Variants in CTNNA3 observed in about 807,000 individuals in gnomAD.
The protein encoded by CTNNA3 is catenin alpha-3.
Under a neutral mutation model 95.7 loss-of-function variants are expected in CTNNA3, and 76 were observed. The ratio of observed to expected loss-of-function variants is 0.79; its 90% CI spans 0.66 to 0.96. The LOEUF (loss-of-function observed/expected upper bound fraction) is 0.96. Among genes scored for constraint, CTNNA3 ranks in the 40% least tolerant of loss-of-function variants. CTNNA3 has a pLI of 0.00. For missense variants in CTNNA3, 1,191 were observed against 1,089.8 expected (o/e 1.09, Z -1.31); for synonymous variants, 431 against 374.4 (o/e 1.15, Z -1.74).
At chr10:67,189,013 A>T (rs1862995239) in intron 6 of CTNNA3, among the ~76,000 whole-genome samples, 1 of 152,164 alleles carries the variant, frequency 6.6e-6, no homozygotes, top group Middle Eastern at 3.4e-3. Flanking sequence ...GCTACTCGGG[A>T]GACTGAGGTG....
intron 5 of CTNNA3, among the ~76,000 whole-genome samples, chr10:67,516,878 C>T (rs1839834308): frequency 6.6e-6 from 1 of 152,192 alleles, no homozygotes; most frequent in Admixed American, 6.5e-5. Flanking sequence ...GTCTGGATTA[C>T]TTTGCTTAGC....
At chr10:67,654,546 C>T (rs959464245) in intron 1 of CTNNA3, among the ~76,000 whole-genome samples, 6 of 150,488 alleles carry the variant, frequency 4.0e-5, no homozygotes, top group South Asian at 2.1e-4. Context: ...GTGCCAGTGG[C>T]GTGATCACAG....
chr10:67,086,441 G>A (rs1288680096), intron 7 of CTNNA3, among the ~76,000 whole-genome samples: 4 of 152,006 alleles, frequency 2.6e-5, no homozygotes, highest in African/African-American at 9.7e-5. Flanking sequence ...TTATCAGTAA[G>A]TAATCATATC....
At chr10:66,586,361 G>C (rs144987393) in intron 10 of CTNNA3, among the ~76,000 whole-genome samples, 1 of 152,010 alleles carries the variant, frequency 6.6e-6, no homozygotes, top group Admixed American at 6.5e-5. Flanking sequence ...AAAGCTCTCC[G>C]TGAAATACAC....
At chr10:67,592,055 T>G (rs1490227362) in intron 3 of CTNNA3, among the ~76,000 whole-genome samples, 2 of 151,988 alleles carry the variant, frequency 1.3e-5, no homozygotes, top group African/African-American at 4.8e-5. Flanking sequence ...TTACCCCCTC[T>G]CTCTCAACTG....
At chr10:66,562,427 G>C in intron 10 of CTNNA3, among the ~76,000 whole-genome samples, 1 of 152,082 alleles carries the variant, frequency 6.6e-6, no homozygotes, top group Non-Finnish European at 1.5e-5. Context: ...CCCAAGTCCA[G>C]CTTTACTTTT....
intron 10 of CTNNA3, among the ~76,000 whole-genome samples, chr10:66,590,606 AT>A (rs1174277728): frequency 6.6e-6 from 1 of 152,124 alleles, no homozygotes; most frequent in Non-Finnish European, 1.5e-5. Flanking sequence ...CCAGCTTTAC[AT>A]TTGATTCAGT....
At chr10:65,942,098 G>T (rs2077439824) in intron 17 of CTNNA3, among the ~76,000 whole-genome samples, 1 of 152,154 alleles carries the variant, frequency 6.6e-6, no homozygotes, top group Non-Finnish European at 1.5e-5. Context: ...TTTCAGAGAA[G>T]AACTCTATAC....
chr10:66,359,445 A>T (rs1206957428), intron 12 of CTNNA3, among the ~76,000 whole-genome samples: 1 of 152,232 alleles, frequency 6.6e-6, no homozygotes, highest in Non-Finnish European at 1.5e-5. Context: ...CCTGATAATT[A>T]TCTAGGAATA....
intron 7 of CTNNA3, among the ~76,000 whole-genome samples, chr10:67,154,322 T>C (rs1035534991): frequency 6.6e-6 from 1 of 152,178 alleles, no homozygotes; most frequent in Non-Finnish European, 1.5e-5. Context: ...AAGGTGATAT[T>C]ACCAACTCCC....
chr10:66,156,329 C>T (rs2084508355), intron 13 of CTNNA3, among the ~76,000 whole-genome samples: 1 of 151,906 alleles, frequency 6.6e-6, no homozygotes, highest in Non-Finnish European at 1.5e-5. Context: ...ATGTAAATGT[C>T]CTGTGATTTT....
intron 13 of CTNNA3, among the ~76,000 whole-genome samples, chr10:66,210,561 T>A (rs1346027881): frequency 6.6e-6 from 1 of 151,958 alleles, no homozygotes; most frequent in African/African-American, 2.4e-5. Flanking sequence ...TTCGATAAGA[T>A]TTTTTTTCAA....
At chr10:67,530,586 G>A (rs1443324022) in intron 4 of CTNNA3, among the ~76,000 whole-genome samples, 1 of 152,166 alleles carries the variant, frequency 6.6e-6, no homozygotes, top group Admixed American at 6.5e-5. Context: ...ACTGTTAAAG[G>A]CATTCAGTTT....
chr10:67,564,171 C>T (rs1205653006), intron 3 of CTNNA3, among the ~76,000 whole-genome samples: 6 of 149,728 alleles, frequency 4.0e-5, no homozygotes, highest in Non-Finnish European at 8.9e-5. Flanking sequence ...ATAAATCATG[C>T]TTCTATAAAG....
chr10:66,272,307 G>A (rs1032335207), intron 13 of CTNNA3, among the ~76,000 whole-genome samples: 6 of 152,138 alleles, frequency 3.9e-5, no homozygotes, highest in Non-Finnish European at 8.8e-5. Context: ...GAGTAACTTA[G>A]ATGAACTTAG....
At chr10:67,355,576 G>T (rs1842780142) in intron 5 of CTNNA3, among the ~76,000 whole-genome samples, 1 of 151,794 alleles carries the variant, frequency 6.6e-6, no homozygotes, top group South Asian at 2.1e-4. Flanking sequence ...TGCTCCTGCG[G>T]TGAGTTCTTC....
intron 10 of CTNNA3, among the ~76,000 whole-genome samples, chr10:66,598,241 G>C (rs1440890946): frequency 6.6e-6 from 1 of 151,878 alleles, no homozygotes; most frequent in African/African-American, 2.4e-5. Flanking sequence ...CGACAAACTA[G>C]GTATAGAAGG....
At chr10:66,556,120 G>A (rs77432705) in intron 10 of CTNNA3, among the ~76,000 whole-genome samples, 3 of 151,910 alleles carry the variant, frequency 2.0e-5, no homozygotes, top group East Asian at 1.9e-4. Context: ...GGTGCTCAAC[G>A]ACACTGATAA....
chr10:66,422,314 C>T (rs2093202687), intron 11 of CTNNA3, among the ~76,000 whole-genome samples: 1 of 152,008 alleles, frequency 6.6e-6, no homozygotes, highest in East Asian at 1.9e-4. Context: ...ATGAAATAGG[C>T]CCAGTTTCTT....
Sources: gnomAD v4.1 joint callset for allele counts (sites outside exome capture counted in the v4.1 genomes callset) on GRCh38, gnomAD v4.1.1 for gene constraint, MANE v1.5 for transcripts, NCBI Gene and HGNC (gene_info 2026-07-23, HGNC 2026-07-21) for gene names.